Variants in WBP1L observed in about 807,000 individuals in gnomAD.
The protein encoded by WBP1L is WW domain binding protein 1-like.
WBP1L carries 17 observed loss-of-function variants against 33.7 expected under a neutral mutation model. The observed-to-expected ratio is 0.50, with a 90% CI of 0.34 to 0.76. The LOEUF (loss-of-function observed/expected upper bound fraction) is 0.76, where lower values mean the gene tolerates loss of function less well. Ranked by LOEUF, WBP1L falls within the 30% of genes least tolerant of loss-of-function variation. The probability of loss-of-function intolerance (pLI) is 0.01; values close to 1 mark genes in which losing one functional copy is unlikely to be tolerated. For synonymous variants in WBP1L, 173 were observed against 190.8 expected (o/e 0.91, Z 0.77); for missense variants, 389 against 469.4 (o/e 0.83, Z 1.58).
At chr10:102,786,673 A>G (rs1843419938) in intron 1 of WBP1L, among the ~76,000 whole-genome samples, 1 of 152,152 alleles carries the variant, frequency 6.6e-6, no homozygotes, top group African/African-American at 2.4e-5. Context: ...CCTTCCTCAG[A>G]TTCTTGACTA....
At chr10:102,748,270 CCAAA>C (rs1361672482) in intron 1 of WBP1L, among the ~76,000 whole-genome samples, 1 of 150,776 alleles carries the variant, frequency 6.6e-6, no homozygotes, top group Non-Finnish European at 1.5e-5. Flanking sequence ...AAAAAAAAAA[CCAAA>C]CAAACAAAAA....
At chr10:102,748,357 G>A (rs1371503495) in intron 1 of WBP1L, among the ~76,000 whole-genome samples, 1 of 151,728 alleles carries the variant, frequency 6.6e-6, no homozygotes, top group Non-Finnish European at 1.5e-5. Flanking sequence ...TATACCCTTT[G>A]GTTCCCACCT....
chr10:102,816,128 A>G lies in WBP1L; in HGVS notation c.*2797A>G, dbSNP rs1293313593. ...TTTGTCAGTTATTGTGAATATGTGTATTTTAAGCAATAAGATTCAGCTGGT... is the reference window on the plus strand; with the variant it reads ...TTTGTCAGTTATTGTGAATATGTGTGTTTTAAGCAATAAGATTCAGCTGGT... On this transcript the variant is annotated 3_prime_UTR_variant, in exon 4 of 4. Coordinates refer to ENST00000448841, the MANE Select transcript of WBP1L (RefSeq NM_001083913.2). 2 of 152,628 alleles carry G rather than the reference A, an allele frequency of 1.3e-5. No individual in the cohort carries two copies. The highest frequency in any genetic ancestry group is 4.8e-5 in the African/African-American group (2 of 41,440). 9.5% of individuals were successfully genotyped at this position (152,628 alleles called of 1,614,324 possible).
chr10:102,777,458 C>T (rs1006666161), intron 1 of WBP1L, among the ~76,000 whole-genome samples: 7 of 152,032 alleles, frequency 4.6e-5, no homozygotes, highest in African/African-American at 1.7e-4. Flanking sequence ...CCCAAACATT[C>T]CATTACAGCT....
chr10:102,781,638 C>T (rs1471049222), intron 1 of WBP1L, among the ~76,000 whole-genome samples: 2 of 152,132 alleles, frequency 1.3e-5, no homozygotes, highest in Admixed American at 1.3e-4. Flanking sequence ...AACCTCTTTC[C>T]ACCAGGTTGA....
chr10:102,809,029 A>C (rs1250415275), intron 2 of WBP1L, among the ~76,000 whole-genome samples: 1 of 152,180 alleles, frequency 6.6e-6, no homozygotes, highest in African/African-American at 2.4e-5. Flanking sequence ...CCTTCCCCCA[A>C]GGTGCTGGAG....
chr10:102,765,628 T>C (rs1279671692), intron 1 of WBP1L, among the ~76,000 whole-genome samples: 3 of 152,214 alleles, frequency 2.0e-5, no homozygotes, highest in African/African-American at 7.2e-5. Flanking sequence ...CTTGGTCCTG[T>C]GAGGGATATG....
chr10:102,748,576 C>T (rs748157590), intron 1 of WBP1L, among the ~76,000 whole-genome samples: 14 of 152,182 alleles, frequency 9.2e-5, no homozygotes, highest in Non-Finnish European at 1.8e-4. Flanking sequence ...TTTCTGCAAA[C>T]TCTTTCAGTG....
chr10:102,772,150 G>T lies in WBP1L; in HGVS notation c.91-25843G>T, dbSNP rs565608839. Reference sequence around the variant, plus strand: ...ATTTTTTGTATTTTTAGTAGAGACGGGGTTTCACCATGTTAGCCAGGATGG... The same window carrying T: ...ATTTTTTGTATTTTTAGTAGAGACGTGGTTTCACCATGTTAGCCAGGATGG... On this transcript the variant is annotated intron_variant, in intron 1 of 3. Coordinates refer to ENST00000448841, the MANE Select transcript of WBP1L (RefSeq NM_001083913.2). Among the ~76,000 whole-genome samples the T allele has an allele frequency of 3.8e-4, 57 of 151,972 alleles. 1 individual carries two copies. The highest frequency in any genetic ancestry group is 1.3e-3 in the African/African-American group (52 of 41,456).
chr10:102,776,104 A>G (rs1843257566), intron 1 of WBP1L: 2 of 1,312,520 alleles, frequency 1.5e-6, no homozygotes, highest in Admixed American at 3.2e-5. Flanking sequence ...CTGCGCCTGA[A>G]CTGATGTCAT....
chr10:102,778,791 G>GCA (rs149989151), intron 1 of WBP1L, among the ~76,000 whole-genome samples: 13 of 151,960 alleles, frequency 8.6e-5, no homozygotes, highest in East Asian at 3.9e-4. Flanking sequence ...GACACATAAT[G>GCA]CACACACACA....
chr10:102,771,395 A>G (rs1843184522), intron 1 of WBP1L, among the ~76,000 whole-genome samples: 1 of 152,154 alleles, frequency 6.6e-6, no homozygotes, highest in Non-Finnish European at 1.5e-5. Context: ...CCTATTTAAA[A>G]TAAAATTTTA....
Position 102,782,450 on chromosome 10 carries a change from T to A in WBP1L, c.91-15543T>A, listed in dbSNP as rs536000780. ...TTTTCCATGAAGAGGTAAATTTTAG[T>A]CCAGGAAAACAGAATACTTTGGGGC... is the stretch of plus-strand genomic sequence containing the variant. On this transcript the variant is annotated intron_variant, in intron 1 of 3. Coordinates refer to ENST00000448841, the MANE Select transcript of WBP1L (RefSeq NM_001083913.2). Among the ~76,000 whole-genome samples the A allele has an allele frequency of 6.0e-5, 9 of 149,900 alleles. No homozygotes were observed. In the South Asian group the frequency reaches 1.3e-3, roughly 21 times the overall value.
chr10:102,759,731 C>T (rs917813252), intron 1 of WBP1L, among the ~76,000 whole-genome samples: 1 of 152,128 alleles, frequency 6.6e-6, no homozygotes, highest in East Asian at 1.9e-4. Context: ...CAGGAAAGAT[C>T]ATAGCTCACT....
intron 1 of WBP1L, among the ~76,000 whole-genome samples, chr10:102,789,243 A>G (rs939243630): frequency 3.3e-5 from 5 of 152,192 alleles, no homozygotes; most frequent in Admixed American, 3.3e-4. Flanking sequence ...GATTACAGGC[A>G]TGAGCCACTG....
At chr10:102,779,391 G>A (rs1160590055) in intron 1 of WBP1L, among the ~76,000 whole-genome samples, 9 of 151,676 alleles carry the variant, frequency 5.9e-5, no homozygotes, top group Admixed American at 3.3e-4. Flanking sequence ...TCTGCCTTCC[G>A]GTTTCAAGCC....
intron 1 of WBP1L, among the ~76,000 whole-genome samples, chr10:102,760,234 C>T (rs959070950): frequency 2.0e-5 from 3 of 152,092 alleles, no homozygotes; most frequent in Non-Finnish European, 4.4e-5. Flanking sequence ...GTGAGTGATG[C>T]CCAGGGTGAG....
At chr10:102,793,984 T>C (rs947232928) in intron 1 of WBP1L, among the ~76,000 whole-genome samples, 4 of 152,128 alleles carry the variant, frequency 2.6e-5, no homozygotes, top group African/African-American at 9.7e-5. Context: ...ATGTCCAGGC[T>C]GGTCTCAAAC....
intron 1 of WBP1L, chr10:102,744,599 C>T (rs1842842624): frequency 3.2e-6 from 2 of 619,790 alleles, no homozygotes; most frequent in Non-Finnish European, 2.0e-6. Context: ...GTTCCGAGGG[C>T]ATCTTAGTAC....
Sources: gnomAD v4.1 joint callset for allele counts (sites outside exome capture counted in the v4.1 genomes callset) on GRCh38, gnomAD v4.1.1 for gene constraint, MANE v1.5 for transcripts, NCBI Gene and HGNC (gene_info 2026-07-23, HGNC 2026-07-21) for gene names.